CADM2: variants seen among roughly 807,000 people sequenced by gnomAD.
CADM2 encodes cell adhesion molecule 2.
In CADM2, 12 loss-of-function variants were observed where a neutral mutation model predicts 49.8. That is an observed-to-expected ratio of 0.24 (90% confidence interval 0.15 to 0.39). The LOEUF is 0.39. Ranked by LOEUF, CADM2 falls within the 10% of genes least tolerant of loss-of-function variation. The probability of loss-of-function intolerance (pLI) is 1.00; values close to 1 mark genes in which losing one functional copy is unlikely to be tolerated. For synonymous variants in CADM2, 214 were observed against 175.4 expected (o/e 1.22, Z -1.74); for missense variants, 378 against 492.3 (o/e 0.77, Z 2.20).
chr3:84,987,479 C>A (rs569651994), intron 1 of CADM2, among the ~76,000 whole-genome samples: 17 of 152,254 alleles, frequency 1.1e-4, no homozygotes, highest in African/African-American at 3.9e-4. Context: ...TTCTATAGGG[C>A]TCTGAGTATA....
At chr3:85,685,639 T>C (rs2107667971) in intron 1 of CADM2, among the ~76,000 whole-genome samples, 1 of 150,012 alleles carries the variant, frequency 6.7e-6, no homozygotes, top group East Asian at 1.9e-4. Context: ...TTTTTTTGTT[T>C]TTAAGACGGA....
intron 1 of CADM2, among the ~76,000 whole-genome samples, chr3:85,238,602 T>G (rs2042461076): frequency 6.6e-6 from 1 of 151,828 alleles, no homozygotes; most frequent in Admixed American, 6.6e-5. Flanking sequence ...TAGATGACAG[T>G]GAACAAATGC....
At chr3:85,482,713 A>C (rs1486570825) in intron 1 of CADM2, among the ~76,000 whole-genome samples, 1 of 151,672 alleles carries the variant, frequency 6.6e-6, no homozygotes, top group Non-Finnish European at 1.5e-5. Flanking sequence ...TTATTACATG[A>C]AGGGCATTTT....
At chr3:85,152,729 G>A (rs375293742) in intron 1 of CADM2, among the ~76,000 whole-genome samples, 371 of 152,146 alleles carry the variant, frequency 2.4e-3, no homozygotes, top group African/African-American at 7.8e-3. Flanking sequence ...AGTCTGAGGC[G>A]GGTGGATCAT....
intron 1 of CADM2, among the ~76,000 whole-genome samples, chr3:85,035,716 A>G (rs1479358449): frequency 1.3e-5 from 2 of 152,186 alleles, no homozygotes; most frequent in Admixed American, 6.5e-5. Flanking sequence ...ACTTTTGTCA[A>G]AAATGAGTTC....
intron 3 of CADM2, among the ~76,000 whole-genome samples, chr3:85,866,498 T>C (rs1284748114): frequency 6.6e-6 from 1 of 152,186 alleles, no homozygotes. Context: ...GCCATATTAT[T>C]ATTCACTTGT....
chr3:85,334,903 A>C (rs2045035496), intron 1 of CADM2, among the ~76,000 whole-genome samples: 1 of 151,372 alleles, frequency 6.6e-6, no homozygotes, highest in Admixed American at 6.6e-5. Flanking sequence ...TAGACCCCCA[A>C]AATAGATTCT....
At chr3:85,404,586 A>T (rs1487034483) in intron 1 of CADM2, among the ~76,000 whole-genome samples, 1 of 152,156 alleles carries the variant, frequency 6.6e-6, no homozygotes, top group Non-Finnish European at 1.5e-5. Context: ...AAAAATAATC[A>T]ATCTATGTAA....
intron 1 of CADM2, among the ~76,000 whole-genome samples, chr3:85,105,451 T>C (rs1028411604): frequency 2.6e-5 from 4 of 152,164 alleles, no homozygotes; most frequent in African/African-American, 4.8e-5. Flanking sequence ...AAACAACAGG[T>C]GCTGGAGAGG....
intron 5 of CADM2, among the ~76,000 whole-genome samples, chr3:85,907,474 TG>T (rs1458134784): frequency 6.6e-6 from 1 of 152,158 alleles, no homozygotes; most frequent in African/African-American, 2.4e-5. Flanking sequence ...TGAGAAAATA[TG>T]GAAGTTTCAG....
chr3:85,515,656 G>C (rs2060884347), intron 1 of CADM2, among the ~76,000 whole-genome samples: 2 of 138,338 alleles, frequency 1.4e-5, no homozygotes, highest in Middle Eastern at 4.0e-3. Context: ...ATCTTTAGTA[G>C]AGACAGGGCT....
At chr3:85,858,317 T>A (rs1250099390) in intron 3 of CADM2, among the ~76,000 whole-genome samples, 2 of 152,246 alleles carry the variant, frequency 1.3e-5, no homozygotes, top group Non-Finnish European at 2.9e-5. Context: ...TATCCGATTA[T>A]ATTACATTTA....
intron 1 of CADM2, among the ~76,000 whole-genome samples, chr3:85,346,032 T>C (rs1200265021): frequency 6.6e-6 from 1 of 152,208 alleles, no homozygotes; most frequent in Non-Finnish European, 1.5e-5. Context: ...GAGTTTTTTC[T>C]ACTGGTCTTA....
At chr3:85,146,388 T>C (rs1358460084) in intron 1 of CADM2, among the ~76,000 whole-genome samples, 2 of 148,522 alleles carry the variant, frequency 1.3e-5, no homozygotes, top group Non-Finnish European at 3.0e-5. Context: ...ATGAGGTCTC[T>C]TTTTTTTTAT....
intron 1 of CADM2, among the ~76,000 whole-genome samples, chr3:85,719,875 T>C (rs2067435862): frequency 6.6e-6 from 1 of 152,014 alleles, no homozygotes; most frequent in Non-Finnish European, 1.5e-5. Flanking sequence ...GAAAATATAC[T>C]AAACATTGTA....
At chr3:85,124,256 T>G (rs2038956307) in intron 1 of CADM2, among the ~76,000 whole-genome samples, 1 of 152,202 alleles carries the variant, frequency 6.6e-6, no homozygotes, top group African/African-American at 2.4e-5. Flanking sequence ...GATTTACATA[T>G]ACAGATATTC....
chr3:85,769,665 T>C (rs1259268606), intron 2 of CADM2, among the ~76,000 whole-genome samples: 1 of 139,758 alleles, frequency 7.2e-6, no homozygotes. Context: ...ATATAGTATA[T>C]ATATACACAT....
intron 1 of CADM2, among the ~76,000 whole-genome samples, chr3:85,600,975 G>A (rs1396637087): frequency 6.7e-6 from 1 of 150,258 alleles, no homozygotes. Context: ...CGAGAACACA[G>A]GAGATGTAAA....
chr3:85,408,155 T>C (rs2035489020), intron 1 of CADM2, among the ~76,000 whole-genome samples: 1 of 151,900 alleles, frequency 6.6e-6, no homozygotes, highest in African/African-American at 2.4e-5. Context: ...CTTTGGAAAA[T>C]TTTGAGGTAA....
Sources: allele counts gnomAD v4.1 joint callset (sites outside exome capture counted in the v4.1 genomes callset), GRCh38; gene constraint gnomAD v4.1.1; transcripts MANE v1.5; gene names NCBI Gene and HGNC (gene_info 2026-07-23, HGNC 2026-07-21).